ZNF362: variants seen among roughly 807,000 people sequenced by gnomAD.
The protein encoded by ZNF362 is zinc finger protein 362.
In ZNF362, 11 loss-of-function variants were observed where a neutral mutation model predicts 42.9. That is an observed-to-expected ratio of 0.26 (90% CI 0.16 to 0.42). The LOEUF (loss-of-function observed/expected upper bound fraction) is 0.42. ZNF362 is among the 20% of genes least tolerant of loss of function. The probability of loss-of-function intolerance (pLI) is 1.00; values close to 1 mark genes in which losing one functional copy is unlikely to be tolerated. For missense variants in ZNF362, 362 were observed against 576.2 expected (o/e 0.63, Z 3.81); for synonymous variants, 255 against 257.3 (o/e 0.99, Z 0.09).
At chr1:33,213,571 G>C in the ZNF362 span, among the ~76,000 whole-genome samples, 3 of 152,180 alleles carry the variant, frequency 2.0e-5, no homozygotes, top group South Asian at 6.2e-4. Flanking sequence ...TTGAGGCCAG[G>C]CGTGTTGGCT....
At chr1:33,138,389 C>T in the ZNF362 span, among the ~76,000 whole-genome samples, 2 of 152,132 alleles carry the variant, frequency 1.3e-5, no homozygotes, top group African/African-American at 4.8e-5. Flanking sequence ...GGTCTAGGTG[C>T]AGTGGTTCAT....
intron 6 of ZNF362, among the ~76,000 whole-genome samples, chr1:33,287,743 G>C (rs1029187327): frequency 6.6e-6 from 1 of 152,100 alleles, no homozygotes; most frequent in African/African-American, 2.4e-5. Context: ...TAATAACAAC[G>C]ACAACTATTC....
chr1:33,206,263 T>C, the ZNF362 span, among the ~76,000 whole-genome samples: 4 of 152,024 alleles, frequency 2.6e-5, no homozygotes, highest in African/African-American at 9.7e-5. Flanking sequence ...CCTGCTTAAG[T>C]GTACAACATA....
chr1:33,256,984 C>A (rs1034332751), intron 1 of ZNF362, among the ~76,000 whole-genome samples: 3 of 152,050 alleles, frequency 2.0e-5, no homozygotes, highest in African/African-American at 4.8e-5. Flanking sequence ...CTGCAATTCT[C>A]CGGTAAACAA....
At chr1:33,253,093 A>G (rs533679116), upstream of ZNF362, among the ~76,000 whole-genome samples, 9 of 151,668 alleles carry the variant, frequency 5.9e-5, no homozygotes, top group African/African-American at 1.9e-4. Context: ...AGCTGACTTG[A>G]TAAGTAAGTA....
At chr1:33,191,193 C>T in the ZNF362 span, among the ~76,000 whole-genome samples, 2 of 152,156 alleles carry the variant, frequency 1.3e-5, no homozygotes, top group Non-Finnish European at 2.9e-5. Context: ...TAATTTTATA[C>T]CTACTTAAGA....
intron 6 of ZNF362, among the ~76,000 whole-genome samples, chr1:33,288,743 C>CAAAAAAAAAAAA (rs60197226): frequency 0.043 from 1,163 of 27,304 alleles, 388 homozygotes; most frequent in Non-Finnish European, 0.044. Flanking sequence ...GACTCTGTCT[C>CAAAAAAAAAAAA]AAAAAAAAAA....
the ZNF362 span, among the ~76,000 whole-genome samples, chr1:33,246,826 C>G: frequency 1.3e-5 from 2 of 152,194 alleles, no homozygotes; most frequent in Non-Finnish European, 2.9e-5. Flanking sequence ...ATTATAGACC[C>G]TGCCTTACTG....
chr1:33,221,344 T>G, the ZNF362 span, among the ~76,000 whole-genome samples: 1 of 152,134 alleles, frequency 6.6e-6, no homozygotes, highest in African/African-American at 2.4e-5. Context: ...AGGTTTGGGG[T>G]GGGCCTGCCC....
the ZNF362 span, among the ~76,000 whole-genome samples, chr1:33,158,961 C>G: frequency 6.6e-6 from 1 of 152,142 alleles, no homozygotes; most frequent in Non-Finnish European, 1.5e-5. Flanking sequence ...CTGCCTCAGC[C>G]TCCTGAATAG....
At chr1:33,285,528 A>T (rs1646026086) in intron 6 of ZNF362, among the ~76,000 whole-genome samples, 1 of 152,192 alleles carries the variant, frequency 6.6e-6, no homozygotes, top group African/African-American at 2.4e-5. Context: ...TAGAGACAAA[A>T]TCTTCTTAAA....
the ZNF362 span, among the ~76,000 whole-genome samples, chr1:33,176,807 C>T: frequency 6.6e-6 from 1 of 152,232 alleles, no homozygotes; most frequent in Non-Finnish European, 1.5e-5. Flanking sequence ...TCTGTTTCTT[C>T]ATCAGTAGAA....
chr1:33,233,240 T>C, the ZNF362 span, among the ~76,000 whole-genome samples: 8 of 152,356 alleles, frequency 5.3e-5, no homozygotes, highest in East Asian at 1.5e-3. Flanking sequence ...CTGCCTAAGA[T>C]AGTCTATTTA....
chr1:33,249,379 G>A, the ZNF362 span, among the ~76,000 whole-genome samples: 1 of 152,226 alleles, frequency 6.6e-6, no homozygotes, highest in Non-Finnish European at 1.5e-5. Context: ...GCCATGTAGA[G>A]ACTTATACGC....
At chr1:33,136,523 C>T in the ZNF362 span, among the ~76,000 whole-genome samples, 1 of 151,794 alleles carries the variant, frequency 6.6e-6, no homozygotes, top group Non-Finnish European at 1.5e-5. Context: ...TGCATGCCAC[C>T]ACACCTAGCT....
At chr1:33,164,169 G>C in the ZNF362 span, 1 of 152,224 alleles carries the variant, frequency 6.6e-6, no homozygotes, top group South Asian at 2.1e-4. Flanking sequence ...TGCCCCCGAG[G>C]GTCCTGCCCA....
rs1388504854 is a variant in ZNF362, at chr1:33,270,606, ACT to A, written c.35_36del (p.Ser12Ter). ...AGAAGTTCACCAAGTGGGAAAGGACACTCTAGGTAAGGAGCCTGTGATTCCAG... is the reference window on the plus strand; with the variant it reads ...AGAAGTTCACCAAGTGGGAAAGGACACTAGGTAAGGAGCCTGTGATTCCAG... On this transcript the variant is annotated frameshift_variant, in exon 2 of 9. Coordinates refer to ENST00000539719, the MANE Select transcript of ZNF362 (RefSeq NM_152493.3). LOFTEE classifies it high-confidence loss of function. 3 of 1,612,850 alleles carry A rather than the reference ACT, an allele frequency of 1.9e-6. No homozygotes were observed. The Admixed American group carries it at 5.0e-5, about 27-fold the overall frequency.
chr1:33,253,520 C>T (rs143191667), upstream of ZNF362, among the ~76,000 whole-genome samples: 1,254 of 152,148 alleles, frequency 8.2e-3, 8 homozygotes, highest in Middle Eastern at 0.075. Flanking sequence ...TGGCAGCTCA[C>T]TTTGGCTGGC....
At chr1:33,211,439 C>CA in the ZNF362 span, among the ~76,000 whole-genome samples, 3 of 152,144 alleles carry the variant, frequency 2.0e-5, no homozygotes, top group Non-Finnish European at 4.4e-5. Context: ...CTGGTGGTGA[C>CA]AAAATCTCTC....
Sources: allele counts gnomAD v4.1 joint callset (sites outside exome capture counted in the v4.1 genomes callset), GRCh38; gene constraint gnomAD v4.1.1; transcripts MANE v1.5; gene names NCBI Gene and HGNC (gene_info 2026-07-23, HGNC 2026-07-21).